The following CFAP299 variants were observed in gnomAD, a reference collection of about 807,000 sequenced individuals.
The protein encoded by CFAP299 is cilia and flagella associated protein 299, also known as cilia- and flagella-associated protein 299.
A neutral mutation model predicts 27.0 loss-of-function variants in CFAP299; 21 were observed. The observed-to-expected ratio is 0.78, with a 90% CI of 0.55 to 1.12. The LOEUF is 1.12. Among genes scored for constraint, CFAP299 ranks in the 50% most tolerant of loss-of-function variants. CFAP299 has a pLI of 0.00. For missense variants in CFAP299, 310 were observed against 276.6 expected, an observed-to-expected ratio of 1.12 and a Z score of -0.86; for synonymous variants, 104 against 98.1, an observed-to-expected ratio of 1.06 and a Z score of -0.36.
chr4:80,447,130 G>GTTTTTT (rs1553923883), intron 2 of CFAP299, among the ~76,000 whole-genome samples: 12 of 105,306 alleles, frequency 1.1e-4, no homozygotes, highest in East Asian at 2.8e-4. Flanking sequence ...TTTTTTTTTT[G>GTTTTTT]TTTTTTTTTT....
At chr4:80,388,656 G>A in intron 2 of CFAP299, 1 of 1,220,084 alleles carries the variant, frequency 8.2e-7, no homozygotes, top group South Asian at 1.2e-5. Flanking sequence ...AGTAATGATG[G>A]GACAGCTAGA....
chr4:80,952,690 C>A (rs1737844920), intron 5 of CFAP299, among the ~76,000 whole-genome samples: 1 of 151,774 alleles, frequency 6.6e-6, no homozygotes, highest in African/African-American at 2.4e-5. Flanking sequence ...ATAAAATCAC[C>A]CGTTTTTGTT....
At chr4:80,809,475 G>A (rs1385247153) in intron 3 of CFAP299, among the ~76,000 whole-genome samples, 2 of 152,102 alleles carry the variant, frequency 1.3e-5, no homozygotes, top group Non-Finnish European at 2.9e-5. Flanking sequence ...GAAAGGCAGA[G>A]AGAGGGAGAG....
intron 3 of CFAP299, among the ~76,000 whole-genome samples, chr4:80,607,160 T>G (rs933478273): frequency 1.3e-5 from 2 of 152,188 alleles, no homozygotes; most frequent in Admixed American, 1.3e-4. Flanking sequence ...ATTTTATGTC[T>G]TTCAGAGGGC....
At chr4:80,531,524 C>T (rs1733463419) in intron 2 of CFAP299, among the ~76,000 whole-genome samples, 1 of 152,134 alleles carries the variant, frequency 6.6e-6, no homozygotes, top group Admixed American at 6.5e-5. Context: ...TTCTAAATTT[C>T]CATCTTTTAT....
chr4:80,486,535 C>T (rs1179715909), intron 2 of CFAP299, among the ~76,000 whole-genome samples: 2 of 152,180 alleles, frequency 1.3e-5, no homozygotes, highest in African/African-American at 4.8e-5. Flanking sequence ...AAACATTCTT[C>T]TCTTGGGGAA....
At chr4:80,760,425 C>T (rs937200354) in intron 3 of CFAP299, among the ~76,000 whole-genome samples, 1 of 152,088 alleles carries the variant, frequency 6.6e-6, no homozygotes, top group Non-Finnish European at 1.5e-5. Context: ...GCATCTTTCC[C>T]ACCATATGTA....
chr4:80,401,566 A>C (rs1228583084), intron 2 of CFAP299, among the ~76,000 whole-genome samples: 5 of 152,212 alleles, frequency 3.3e-5, no homozygotes, highest in Non-Finnish European at 7.3e-5. Flanking sequence ...GGGAACCTCC[A>C]CGTGGATTTC....
At chr4:80,390,778 CATAT>C (rs1176142592) in intron 2 of CFAP299, among the ~76,000 whole-genome samples, 18 of 101,630 alleles carry the variant, frequency 1.8e-4, no homozygotes, top group South Asian at 4.0e-4. Context: ...TGTATATATA[CATAT>C]ACACATATAT....
intron 3 of CFAP299, among the ~76,000 whole-genome samples, chr4:80,606,044 T>A (rs939054466): frequency 6.6e-6 from 1 of 152,176 alleles, no homozygotes; most frequent in African/African-American, 2.4e-5. Flanking sequence ...TCACTTGCTG[T>A]CTGAAGAGTC....
At chr4:80,650,464 A>G (rs757410806) in intron 3 of CFAP299, among the ~76,000 whole-genome samples, 1 of 152,000 alleles carries the variant, frequency 6.6e-6, no homozygotes, top group Non-Finnish European at 1.5e-5. Context: ...CCAGCGCATG[A>G]TCTTAATGAC....
intron 3 of CFAP299, among the ~76,000 whole-genome samples, chr4:80,854,630 G>A (rs949366724): frequency 6.6e-6 from 1 of 150,682 alleles, no homozygotes; most frequent in East Asian, 2.0e-4. Flanking sequence ...CAGTGGCTCT[G>A]TTCTGATTGT....
intron 2 of CFAP299, among the ~76,000 whole-genome samples, chr4:80,501,672 A>T (rs1731755188): frequency 6.6e-6 from 1 of 151,428 alleles, no homozygotes; most frequent in Non-Finnish European, 1.5e-5. Context: ...TTTGCTCAAC[A>T]GTTTGAATTT....
At chr4:80,682,297 T>C (rs1220857409) in intron 3 of CFAP299, among the ~76,000 whole-genome samples, 1 of 152,178 alleles carries the variant, frequency 6.6e-6, no homozygotes, top group Non-Finnish European at 1.5e-5. Flanking sequence ...AAGCCTCACT[T>C]TACCTTTGGG....
chr4:80,536,876 A>G (rs1408310803), intron 2 of CFAP299, among the ~76,000 whole-genome samples: 2 of 152,104 alleles, frequency 1.3e-5, no homozygotes, highest in South Asian at 2.1e-4. Flanking sequence ...TTGCAGCTTC[A>G]GCACAGCAAA....
chr4:80,322,009 A>G, the CFAP299 span, among the ~76,000 whole-genome samples: 2 of 152,126 alleles, frequency 1.3e-5, no homozygotes, highest in African/African-American at 4.8e-5. Flanking sequence ...CCTGATACCC[A>G]AGGAGATGGG....
intron 3 of CFAP299, among the ~76,000 whole-genome samples, chr4:80,640,751 C>T (rs968966655): frequency 6.6e-6 from 1 of 152,070 alleles, no homozygotes. Context: ...TATTTCCCTC[C>T]CATGTGCACA....
At chr4:80,891,941 A>G (rs1734327764) in intron 4 of CFAP299, among the ~76,000 whole-genome samples, 1 of 151,818 alleles carries the variant, frequency 6.6e-6, no homozygotes, top group Non-Finnish European at 1.5e-5. Context: ...ACCCAAAGCA[A>G]TCTACAGAAT....
At chr4:80,882,617 A>G (rs943424942) in intron 4 of CFAP299, among the ~76,000 whole-genome samples, 3 of 151,432 alleles carry the variant, frequency 2.0e-5, no homozygotes, top group Admixed American at 6.6e-5. Context: ...AGGCTTGGGC[A>G]AAAGAGCGAG....
Sources: gnomAD v4.1 joint callset for allele counts (sites outside exome capture counted in the v4.1 genomes callset) on GRCh38, gnomAD v4.1.1 for gene constraint, MANE v1.5 for transcripts, NCBI Gene and HGNC (gene_info 2026-07-23, HGNC 2026-07-21) for gene names.